MTHFSD: variants seen among roughly 807,000 people sequenced by gnomAD.
MTHFSD encodes the protein methenyltetrahydrofolate synthase domain-containing protein.
In MTHFSD, 37 loss-of-function variants were observed where a neutral mutation model predicts 31.1. That is an observed-to-expected ratio of 1.19 (90% confidence interval 0.91 to 1.56). The LOEUF (loss-of-function observed/expected upper bound fraction) is 1.56, where lower values mean the gene tolerates loss of function less well. Among genes scored for constraint, MTHFSD ranks in the 40% most tolerant of loss-of-function variants. The pLI is 0.00. For missense variants in MTHFSD, 664 were observed against 510.1 expected (o/e 1.30, Z -2.91); for synonymous variants, 221 against 206.9 (o/e 1.07, Z -0.59).
intron 7 of MTHFSD, among the ~76,000 whole-genome samples, chr16:86,540,137 T>C (rs946398058): frequency 6.6e-6 from 1 of 152,190 alleles, no homozygotes; most frequent in African/African-American, 2.4e-5. Flanking sequence ...ACAGAAACAC[T>C]GGGAGCTGTA....
At chr16:86,539,277 A>T (rs556317364) in intron 7 of MTHFSD, among the ~76,000 whole-genome samples, 107 of 152,310 alleles carry the variant, frequency 7.0e-4, no homozygotes, top group African/African-American at 2.4e-3. Context: ...CCGTGGCCAT[A>T]GGGAGACACG....
intron 7 of MTHFSD, 87 bp downstream of exon 7, chr16:86,541,610 C>T (rs933218369): frequency 9.1e-6 from 14 of 1,532,278 alleles, no homozygotes; most frequent in African/African-American, 1.4e-5. Flanking sequence ...GCTGGGATTG[C>T]CAACAGCTCC....
intron 7 of MTHFSD, among the ~76,000 whole-genome samples, chr16:86,534,387 C>A (rs1242614045): frequency 6.6e-6 from 1 of 152,180 alleles, no homozygotes; most frequent in Non-Finnish European, 1.5e-5. Flanking sequence ...TTTCCCACGG[C>A]ATGTTTCAAA....
chr16:86,554,995 G>T, intron 1 of MTHFSD, 174 bp downstream of exon 1: 4 of 1,372,306 alleles, frequency 2.9e-6, no homozygotes, highest in Middle Eastern at 1.9e-4. Flanking sequence ...GATTCCGGGC[G>T]AGAGAGCCGC....
intron 7 of MTHFSD, chr16:86,533,570 T>C (rs79584501): frequency 0.022 from 3,398 of 152,336 alleles, 128 homozygotes; most frequent in African/African-American, 0.077. Flanking sequence ...TTCTACAAGA[T>C]GAAATAGTTC....
At chr16:86,540,851 G>A (rs1315625956) in intron 7 of MTHFSD, 11 of 1,056,762 alleles carry the variant, frequency 1.0e-5, no homozygotes, top group Non-Finnish European at 1.3e-5. Flanking sequence ...GCCAACCGAG[G>A]AGTGCACACC....
At chr16:86,533,635 G>A (rs1350923052) in intron 7 of MTHFSD, 2 of 152,174 alleles carry the variant, frequency 1.3e-5, no homozygotes, top group African/African-American at 4.8e-5. Context: ...TAGAGCAATG[G>A]TCCTTATCCT....
At chr16:86,541,665 A>ACAGGC in intron 7 of MTHFSD, 32 bp downstream of exon 7, 1 of 1,604,736 alleles carries the variant, frequency 6.2e-7, no homozygotes, top group Non-Finnish European at 8.5e-7. Context: ...CCGCTAAGCT[A>ACAGGC]CAGGCCAGAG....
chr16:86,545,612 T>C (rs1972173430), intron 5 of MTHFSD, among the ~76,000 whole-genome samples: 1 of 152,062 alleles, frequency 6.6e-6, no homozygotes, highest in Non-Finnish European at 1.5e-5. Flanking sequence ...GAGCCAGCCC[T>C]GAGGCCGCTA....
intron 4 of MTHFSD, 131 bp from the exon 5 acceptor site, chr16:86,546,780 G>C (rs755589173): frequency 4.1e-6 from 3 of 725,608 alleles, no homozygotes; most frequent in Non-Finnish European, 7.0e-6. Flanking sequence ...CGCAACACCG[G>C]AGATGTGGCG....
In MTHFSD at chr16:86,550,248, CAT is replaced by C. The variant is rs1197155606; in HGVS notation, c.238-1673_238-1672del. The stretch of plus-strand genomic sequence containing the variant: ...TGAAAGCACCAGAACTCAGGGACCA[CAT>C]GTGTGTAGTCTTGCACCACTACATC... On this transcript the variant is annotated intron_variant, in intron 3 of 7. Transcript: ENST00000360900. Among the ~76,000 whole-genome samples, 8 of 152,376 alleles carry C rather than the reference CAT, an allele frequency of 5.3e-5. 1 individual carries two copies. Among genetic ancestry groups the C allele is most frequent in the African/African-American group, 1.9e-4 (8 of 41,590 alleles).
At chr16:86,538,029 G>C (rs1970954731) in intron 7 of MTHFSD, among the ~76,000 whole-genome samples, 2 of 152,210 alleles carry the variant, frequency 1.3e-5, no homozygotes, top group South Asian at 4.1e-4. Flanking sequence ...CCTTCCACTG[G>C]GCAAAGGCCA....
chr16:86,549,275 A>G (rs997919355), intron 3 of MTHFSD, among the ~76,000 whole-genome samples: 1 of 152,268 alleles, frequency 6.6e-6, no homozygotes, highest in African/African-American at 2.4e-5. Context: ...GATGCACACG[A>G]AAGTTTGAAA....
At chr16:86,541,410 T>A (rs1971494270) in intron 7 of MTHFSD, 3 of 584,478 alleles carry the variant, frequency 5.1e-6, no homozygotes, top group Admixed American at 6.5e-5. Flanking sequence ...AGGGGGCAAG[T>A]AAAGCTTCAA....
chr16:86,531,019 G>C lies in MTHFSD; in HGVS notation c.*992C>G, dbSNP rs556642911. ...GTGTCCCGAGAACATTTTCTTGAAA[G>C]CGCGTGCACGGGCCGCCCTCTCGAG... On this transcript the variant is annotated 3_prime_UTR_variant, in exon 8 of 8. Transcript: ENST00000360900. This position sits in a 1 kb window ranked among gnomAD's most constrained non-coding sequence, Gnocchi z 5.5. 5 of 152,204 alleles carry C rather than the reference G, an allele frequency of 3.3e-5. No individual in the cohort carries two copies. Among genetic ancestry groups the C allele is most frequent in the Non-Finnish European group, 5.9e-5 (4 of 68,052 alleles). 9.4% of individuals were successfully genotyped at this position (152,204 alleles called of 1,614,324 possible). A position where few individuals can be genotyped will look rare whatever the true frequency, so the allele number is the denominator to read the frequency against.
chr16:86,554,329 C>T (rs1404508212), intron 2 of MTHFSD, among the ~76,000 whole-genome samples: 1 of 152,198 alleles, frequency 6.6e-6, no homozygotes, highest in Non-Finnish European at 1.5e-5. Flanking sequence ...GACACGCTGC[C>T]TTTAAAAACT....
rs116531768 is a variant in MTHFSD at position 86,532,323 on chromosome 16, C to T, written c.840G>A (p.Pro280=). The stretch of plus-strand genomic sequence containing the variant: ...AATTGGTTTCTGGTCCGGGTGTGTC[C>T]GGGGGCCTCCTGCCAACACTCAGGG... ...TVPLSVGRRP[P]DTPGPETNSM... Residue 280 remains proline, a synonymous_variant, in exon 8 of 8, where the codon CCG becomes CCA. Coordinates refer to ENST00000360900, the MANE Select transcript of MTHFSD (RefSeq NM_001159377.2). 3,021 of 1,594,288 alleles carry T rather than the reference C, an allele frequency of 1.9e-3. 47 individuals are homozygous for T. In the African/African-American group the frequency reaches 0.036, roughly 19 times the overall value.
At chr16:86,552,313 C>CGT (rs1289700451) in intron 2 of MTHFSD, 167 bp from the exon 3 acceptor site, 1 of 1,538,036 alleles carries the variant, frequency 6.5e-7, no homozygotes, top group Non-Finnish European at 8.8e-7. Context: ...TGCAATCGCA[C>CGT]GTTACTGAAA....
At chr16:86,546,040 C>A (rs769361506) in intron 5 of MTHFSD, among the ~76,000 whole-genome samples, 9 of 152,222 alleles carry the variant, frequency 5.9e-5, no homozygotes, top group Non-Finnish European at 1.2e-4. Context: ...GAGCAGCCTG[C>A]CTCACATGCA....
Sources: gnomAD v4.1 joint callset for allele counts (sites outside exome capture counted in the v4.1 genomes callset) on GRCh38, gnomAD v4.1.1 for gene constraint, Gnocchi (gnomAD v3.1) non-coding constraint, MANE v1.5 for transcripts, NCBI Gene and HGNC (gene_info 2026-07-23, HGNC 2026-07-21) for gene names.